RC3H2: variants seen among roughly 807,000 people sequenced by gnomAD.
RC3H2 encodes roquin-2.
A neutral mutation model predicts 133.3 loss-of-function variants in RC3H2; 31 were observed. That is an observed-to-expected ratio of 0.23 (90% CI 0.17 to 0.31). The LOEUF (loss-of-function observed/expected upper bound fraction) is 0.31. RC3H2 is among the 10% of genes least tolerant of loss of function. The pLI is 1.00. For synonymous variants in RC3H2, 517 were observed against 502.2 expected, an observed-to-expected ratio of 1.03 and a Z score of -0.40; for missense variants, 1,175 against 1,437.2, an observed-to-expected ratio of 0.82 and a Z score of 2.95.
intron 18 of RC3H2, 34 bp downstream of exon 18, chr9:122,853,918 T>A (rs1273399357): frequency 1.2e-6 from 2 of 1,614,222 alleles, no homozygotes; most frequent in South Asian, 2.2e-5. Flanking sequence ...AACAAATACA[T>A]TAAGCATGAA....
intron 1 of RC3H2, among the ~76,000 whole-genome samples, chr9:122,898,963 C>G (rs1024572553): frequency 2.0e-5 from 3 of 151,570 alleles, no homozygotes; most frequent in East Asian, 3.8e-4. Context: ...GTTTACCAAC[C>G]CAAATATATT....
At chr9:122,875,203 G>C in intron 9 of RC3H2, 1 of 1,551,030 alleles carries the variant, frequency 6.4e-7, no homozygotes, top group South Asian at 1.2e-5. Flanking sequence ...CTTCAAGTGG[G>C]GAAAAAAACT....
chr9:122,904,971 G>T, intron 1 of RC3H2, 139 bp downstream of exon 1: 1 of 501,202 alleles, frequency 2.0e-6, no homozygotes, highest in Non-Finnish European at 2.6e-6. Flanking sequence ...TGTCAGGTGC[G>T]GCCCTCAGTT....
At chr9:122,851,480 C>T in intron 18 of RC3H2, 44 bp from the exon 19 acceptor site, 7 of 1,589,044 alleles carry the variant, frequency 4.4e-6, no homozygotes, top group South Asian at 3.4e-5. Flanking sequence ...CTCTCCCTCT[C>T]CCCATGGTCT....
chr9:122,855,548 A>G, intron 14 of RC3H2, 151 bp from the exon 15 acceptor site: 1 of 931,134 alleles, frequency 1.1e-6, no homozygotes, highest in South Asian at 1.8e-5. Flanking sequence ...CCAGTAAACC[A>G]CCAATGTTCA....
At chr9:122,903,008 T>C (rs545908507) in intron 1 of RC3H2, among the ~76,000 whole-genome samples, 1 of 152,286 alleles carries the variant, frequency 6.6e-6, no homozygotes, top group South Asian at 2.1e-4. Flanking sequence ...ATCTGGTATT[T>C]TACACCTAAA....
chr9:122,856,040 T>C (rs1830236635), intron 13 of RC3H2, among the ~76,000 whole-genome samples, 162 bp from the exon 14 acceptor site: 1 of 152,200 alleles, frequency 6.6e-6, no homozygotes, highest in African/African-American at 2.4e-5. Context: ...AGAAATGGTA[T>C]TTTTACAATA....
intron 9 of RC3H2, among the ~76,000 whole-genome samples, chr9:122,872,879 C>T (rs1831159866): frequency 6.6e-6 from 1 of 152,238 alleles, no homozygotes; most frequent in African/African-American, 2.4e-5. Flanking sequence ...AGCCACTGCT[C>T]CTGGCCACTA....
At position 122,858,781 on chromosome 9, in the gene RC3H2, T is replaced by C; in HGVS notation, c.2171A>G (p.His724Arg). Residue 724 changes from histidine to arginine, a missense_variant, in exon 12 of 21, where the codon CAC (histidine) becomes CGC (arginine). Physicochemically the swap from His to Arg is conservative, Grantham distance 29. Coordinates refer to ENST00000357244, the MANE Select transcript of RC3H2 (RefSeq NM_001100588.3). ...CAAAGATGTCTGATAGACAGATGAGTGCATCACATCCATTGGAGGTAAAGA... is the reference window on the plus strand; with the variant it reads ...CAAAGATGTCTGATAGACAGATGAGCGCATCACATCCATTGGAGGTAAAGA... Reference protein sequence around the residue: ...SNSLPPMDVMHSSVYQTSLRE... With the variant: ...SNSLPPMDVMRSSVYQTSLRE... 6.2e-7 allele frequency: 1 copy of C among 1,614,218 alleles called. No individual in the cohort carries two copies.
chr9:122,872,575 A>C (rs1366146219), intron 9 of RC3H2, among the ~76,000 whole-genome samples: 1 of 152,218 alleles, frequency 6.6e-6, no homozygotes, highest in Non-Finnish European at 1.5e-5. Flanking sequence ...CTTGAATAGT[A>C]ACCAGTATAT....
intron 8 of RC3H2, among the ~76,000 whole-genome samples, chr9:122,878,147 G>A (rs964685967): frequency 6.6e-6 from 1 of 152,286 alleles, no homozygotes; most frequent in African/African-American, 2.4e-5. Context: ...ATTCTTATGA[G>A]CCTAGGATGA....
In RC3H2 at chr9:122,875,421, T is replaced by C. The variant is rs893857458; in HGVS notation, c.1325+2050A>G. 7 of 1,465,680 alleles carry C rather than the reference T, an allele frequency of 4.8e-6. No individual in the cohort carries two copies. The African/African-American group carries it at 9.9e-5, about 21-fold the overall frequency. The allele number at this position is 1,465,680 out of a possible 1,614,324, so 90.8% of individuals were successfully genotyped here. ...AACAGATCATGGGCCATAGTTTCTG[T>C]AAAGGGTTTTTATAAATAAAGTTTA... On this transcript the variant is annotated intron_variant, in intron 9 of 20. Coordinates refer to ENST00000357244, the MANE Select transcript of RC3H2 (RefSeq NM_001100588.3).
In RC3H2 at chr9:122,890,349, G is replaced by A. The variant is rs369835054; in HGVS notation, c.546C>T (p.Ala182=). The A allele has an allele frequency of 3.4e-5, 55 of 1,613,904 alleles. No individual in the cohort carries two copies. Among genetic ancestry groups the A allele is most frequent in the East Asian group, 1.6e-4 (7 of 44,880 alleles). Residue 182 remains alanine, a synonymous_variant, in exon 4 of 21, where the codon GCC becomes GCT. Coordinates refer to ENST00000357244, the MANE Select transcript of RC3H2 (RefSeq NM_001100588.3). ...NPQQLSANLW[A]AVRARGCQFL... ...ACTGGCATCCTCGAGCCCTGACAGCGGCCCATAGATTGGCAGACAACTGCT... is the reference window on the plus strand; with the variant it reads ...ACTGGCATCCTCGAGCCCTGACAGCAGCCCATAGATTGGCAGACAACTGCT...
chr9:122,884,288 G>A (rs886251919), intron 4 of RC3H2, among the ~76,000 whole-genome samples: 10 of 151,736 alleles, frequency 6.6e-5, no homozygotes, highest in Admixed American at 3.3e-4. Flanking sequence ...GCGAGACTCC[G>A]TCTCTAAAAA....
chr9:122,858,063 C>T lies in RC3H2; in HGVS notation c.2314G>A (p.Glu772Lys), dbSNP rs752224654. 2.2e-5 allele frequency: 35 copies of T among 1,614,070 alleles called. No individual in the cohort carries two copies. Among genetic ancestry groups the T allele is most frequent in the African/African-American group, 2.0e-4 (15 of 74,942 alleles). Reference sequence around the variant, plus strand: ...TCTGGCTTTCTTCTTATCTGCTCCTCGCAACTGGTCTTCAAATGACCACAA... The same window carrying T: ...TCTGGCTTTCTTCTTATCTGCTCCTTGCAACTGGTCTTCAAATGACCACAA... ...EPCGHLKTSCEEQIRRKPDQW... is the reference protein window; with the variant it reads ...EPCGHLKTSCKEQIRRKPDQW... The change falls in exon 13 of 21, where the codon GAG becomes AAG. Residue 772 changes from glutamate to lysine, a missense_variant. By Grantham distance (56) the Glu-to-Lys change is moderately conservative. Transcript: ENST00000357244.
At chr9:122,887,497 A>G (rs1402159972) in intron 4 of RC3H2, among the ~76,000 whole-genome samples, 1 of 151,882 alleles carries the variant, frequency 6.6e-6, no homozygotes, top group African/African-American at 2.4e-5. Flanking sequence ...CCAGCACAAG[A>G]CTTCCTACCC....
chr9:122,872,695 G>T (rs773487759), intron 9 of RC3H2, among the ~76,000 whole-genome samples: 1 of 151,962 alleles, frequency 6.6e-6, no homozygotes, highest in Non-Finnish European at 1.5e-5. Flanking sequence ...CGCGATTCTC[G>T]TGCCTCAGCC....
At chr9:122,850,758 G>T (rs768354115) in intron 20 of RC3H2, among the ~76,000 whole-genome samples, 2 of 152,072 alleles carry the variant, frequency 1.3e-5, no homozygotes. Context: ...ATCTTAACAT[G>T]ATTTTCAAAA....
intron 1 of RC3H2, 82 bp from the exon 2 acceptor site, chr9:122,897,658 G>T: frequency 1.1e-6 from 1 of 900,610 alleles, no homozygotes; most frequent in Non-Finnish European, 1.6e-6. Flanking sequence ...AACTATTACA[G>T]CTTCAGACCT....
Sources: gnomAD v4.1 joint callset for allele counts (sites outside exome capture counted in the v4.1 genomes callset) on GRCh38, gnomAD v4.1.1 for gene constraint, MANE v1.5 for transcripts, NCBI Gene and HGNC (gene_info 2026-07-23, HGNC 2026-07-21) for gene names.